The following TRMT6 variants were observed in gnomAD, a reference collection of about 807,000 sequenced individuals.
TRMT6 encodes the protein tRNA (adenine(58)-N(1))-methyltransferase non-catalytic subunit TRM6.
Under a neutral mutation model 59.0 loss-of-function variants are expected in TRMT6, and 34 were observed. The observed-to-expected ratio is 0.58, with a 90% CI of 0.44 to 0.77. The LOEUF (loss-of-function observed/expected upper bound fraction) is 0.77. Ranked by LOEUF, TRMT6 falls within the 30% of genes least tolerant of loss-of-function variation. The pLI, the probability that TRMT6 is intolerant of heterozygous loss-of-function variation, is 0.00. For synonymous variants in TRMT6, 217 were observed against 210.5 expected (o/e 1.03, Z -0.27); for missense variants, 575 against 604.5 (o/e 0.95, Z 0.51).
intron 1 of TRMT6, 71 bp downstream of exon 1, chr20:5,950,207 G>A (rs2088775242): frequency 1.0e-5 from 15 of 1,459,474 alleles, no homozygotes; most frequent in South Asian, 2.6e-5. Flanking sequence ...GAATTCTGTG[G>A]AGAAACCTGG....
At chr20:5,940,816 C>A (rs535649152) in intron 10 of TRMT6, among the ~76,000 whole-genome samples, 17 of 136,514 alleles carry the variant, frequency 1.2e-4, no homozygotes, top group Admixed American at 5.7e-4. Flanking sequence ...CAGGGTCATG[C>A]CCAGCCAATT....
At position 5,942,077 on chromosome 20, in the gene TRMT6, T is replaced by A. The variant is rs1006568101; in HGVS notation, c.1027-41A>T. Reference sequence around the variant, plus strand: ...TAAGAAATCAATGTACTGGGGTCTTTCAGTCAAATTTATGGAAATGCTCTG... The same window carrying A: ...TAAGAAATCAATGTACTGGGGTCTTACAGTCAAATTTATGGAAATGCTCTG... On this transcript the variant is annotated intron_variant, in intron 7 of 10. Coordinates refer to ENST00000203001, the MANE Select transcript of TRMT6 (RefSeq NM_015939.5). The A allele has an allele frequency of 9.2e-6, 14 of 1,528,728 alleles. No homozygotes were observed. The Middle Eastern group carries it at 5.5e-4, about 60-fold the overall frequency. The allele number at this position is 1,528,728 out of a possible 1,614,324, so 94.7% of individuals were successfully genotyped here.
At chr20:5,943,111 A>G (rs939530116) in intron 6 of TRMT6, among the ~76,000 whole-genome samples, 1 of 152,200 alleles carries the variant, frequency 6.6e-6, no homozygotes, top group Non-Finnish European at 1.5e-5. Context: ...CCTCAAATGG[A>G]GCAGTTACAA....
At chr20:5,947,043 G>A (rs1460514630) in intron 1 of TRMT6, among the ~76,000 whole-genome samples, 1 of 152,114 alleles carries the variant, frequency 6.6e-6, no homozygotes, top group Non-Finnish European at 1.5e-5. Context: ...TGCCAACCAG[G>A]GGCTAGGCAG....
At chr20:5,948,255 C>T (rs2088725046) in intron 1 of TRMT6, among the ~76,000 whole-genome samples, 2 of 152,136 alleles carry the variant, frequency 1.3e-5, no homozygotes, top group South Asian at 4.1e-4. Flanking sequence ...CAGGTCACTG[C>T]CCCAGTCGGG....
rs750185613 is a variant in TRMT6, at chr20:5,946,503, G to A, written c.159C>T (p.Tyr53=). The change falls in exon 2 of 11, where the codon TAC becomes TAT. Residue 53 remains tyrosine, a synonymous_variant. Coordinates refer to ENST00000203001, the MANE Select transcript of TRMT6 (RefSeq NM_015939.5). ...AACTATGGCCAATGACGTTATCCAG[G>A]TAGAACCACTGTTTTTCGAAAGTTA... ...KKVTFEKQWF[Y]LDNVIGHSYG... The A allele has an allele frequency of 1.2e-6, 2 of 1,614,002 alleles. No homozygotes were observed. The highest frequency in any genetic ancestry group is 1.7e-6 in the Non-Finnish European group (2 of 1,179,994).
chr20:5,949,222 C>T (rs1336271018), intron 1 of TRMT6, among the ~76,000 whole-genome samples: 4 of 151,240 alleles, frequency 2.6e-5, no homozygotes, highest in Admixed American at 1.3e-4. Context: ...AAAGATTAGC[C>T]GAGTGTGATG....
chr20:5,944,357 C>T lies in TRMT6; in HGVS notation c.367-104G>A, dbSNP rs1367472987. On this transcript the variant is annotated intron_variant, in intron 3 of 10. Transcript: ENST00000203001. ...GAATGGATCCAATGGTCTGATTCTCCAATCCCTTTTCCACAGAAGTCCAAA... is the reference window on the plus strand; with the variant it reads ...GAATGGATCCAATGGTCTGATTCTCTAATCCCTTTTCCACAGAAGTCCAAA... The T allele has an allele frequency of 3.8e-5, 24 of 638,620 alleles. 1 individual carries two copies. In the South Asian group the frequency reaches 5.2e-4, roughly 14 times the overall value. The allele number at this position is 638,620 out of a possible 1,614,324, so 39.6% of individuals were successfully genotyped here.
intron 1 of TRMT6, among the ~76,000 whole-genome samples, chr20:5,946,861 C>T (rs1387762219): frequency 6.6e-6 from 1 of 152,184 alleles, no homozygotes; most frequent in African/African-American, 2.4e-5. Flanking sequence ...TGCAAATAAA[C>T]ACTGACAATC....
rs1483930923 is a variant in TRMT6 at position 5,950,391 on chromosome 20, C to T, written c.15G>A (p.Gly5=). The T allele has an allele frequency of 6.2e-7, 1 of 1,602,498 alleles. No individual in the cohort carries two copies. The highest frequency in any genetic ancestry group is 8.5e-7 in the Non-Finnish European group (1 of 1,178,886). Residue 5 remains glycine, a synonymous_variant, in exon 1 of 11, where the codon GGG becomes GGA. Transcript: ENST00000203001. MEGS[G]EQPGPQPQHP... is the part of the protein sequence containing the mutation. ...GCTGTGGTTGTGGGCCCGGCTGCTC[C>T]CCTGAGCCCTCCATGACGCTCAGCC...
intron 6 of TRMT6, among the ~76,000 whole-genome samples, chr20:5,943,094 C>T (rs1156714290): frequency 6.6e-6 from 1 of 152,206 alleles, no homozygotes; most frequent in Non-Finnish European, 1.5e-5. Flanking sequence ...CTTCCCCTCA[C>T]TCCGATCCTC....
chr20:5,944,279 T>C, intron 3 of TRMT6, 26 bp from the exon 4 acceptor site: 1 of 1,377,134 alleles, frequency 7.3e-7, no homozygotes, highest in Non-Finnish European at 9.9e-7. Flanking sequence ...CAAGTAGATT[T>C]TCTGAAACTT....
At chr20:5,940,996 C>A in intron 10 of TRMT6, 57 bp downstream of exon 10, 5 of 1,325,262 alleles carry the variant, frequency 3.8e-6, no homozygotes, top group Non-Finnish European at 4.4e-6. Context: ...AGTACTACTG[C>A]AAGGAAAGTC....
rs1386349307 is a variant in TRMT6 at position 5,941,069 on chromosome 20, C to A, written c.1286G>T (p.Trp429Leu). 6.2e-7 allele frequency: 1 copy of A among 1,614,116 alleles called. No individual in the cohort carries two copies. The highest frequency in any genetic ancestry group is 8.5e-7 in the Non-Finnish European group (1 of 1,179,968). ...GVINLRLSET[W>L]LRNYQVLPDR... ...AACACGTACCTGATAATTTCTGAGCCAGGTTTCAGACAGCCTGAGGTTGAT... is the reference window on the plus strand; with the variant it reads ...AACACGTACCTGATAATTTCTGAGCAAGGTTTCAGACAGCCTGAGGTTGAT... Residue 429 changes from tryptophan to leucine, a missense_variant, in exon 10 of 11, where the codon TGG becomes TTG. By Grantham distance (61) the Trp-to-Leu change is moderately conservative. Coordinates refer to ENST00000203001, the MANE Select transcript of TRMT6 (RefSeq NM_015939.5).
At chr20:5,942,369 A>T (rs1357867672) in intron 7 of TRMT6, 59 bp downstream of exon 7, 2 of 1,455,080 alleles carry the variant, frequency 1.4e-6, no homozygotes, top group Non-Finnish European at 1.9e-6. Context: ...TCATGACTTA[A>T]CTGAAGTTAA....
chr20:5,944,136 G>A (rs77275928), intron 4 of TRMT6, 26 bp downstream of exon 4: 56,026 of 1,364,138 alleles, frequency 0.041, 1,377 homozygotes, highest in Middle Eastern at 0.064. Context: ...TAATATTGTG[G>A]GCCTTTTAAA....
At position 5,941,312 on chromosome 20, in the gene TRMT6, G is replaced by A. The variant is rs760611409; in HGVS notation, c.1146C>T (p.Pro382=). ...CAAAGTCCAGCAAAGACAGCAGCAG[G>A]GGAGTGGGGTGGAAACGACTAGCTA... The part of the protein sequence containing the change: ...LIVASRFHPT[P]LLLSLLDFVA... Residue 382 remains proline (P), a synonymous_variant, in exon 9 of 11, where the codon CCC becomes CCT. Transcript: ENST00000203001. 5 of 1,614,064 alleles carry A rather than the reference G, an allele frequency of 3.1e-6. No individual in the cohort carries two copies. The highest frequency in any genetic ancestry group is 4.2e-6 in the Non-Finnish European group (5 of 1,180,026).
intron 6 of TRMT6, 131 bp downstream of exon 6, chr20:5,943,428 T>G: frequency 8.2e-7 from 1 of 1,217,714 alleles, no homozygotes; most frequent in South Asian, 1.4e-5. Context: ...CTAGGAGCCG[T>G]GCAGGTTCAC....
At chr20:5,942,904 G>T in intron 6 of TRMT6, 118 bp from the exon 7 acceptor site, 1 of 780,862 alleles carries the variant, frequency 1.3e-6, no homozygotes. Context: ...TTTATTCAGA[G>T]GCTGAAGGAT....
Sources: gnomAD v4.1 joint callset for allele counts (sites outside exome capture counted in the v4.1 genomes callset) on GRCh38, gnomAD v4.1.1 for gene constraint, MANE v1.5 for transcripts, NCBI Gene and HGNC (gene_info 2026-07-23, HGNC 2026-07-21) for gene names.